Variants in ARX observed in about 807,000 individuals in gnomAD.
ARX encodes homeobox protein ARX.
ARX carries 1 observed loss-of-function variant against 23.1 expected under a neutral mutation model. The observed-to-expected ratio is 0.04, with a 90% confidence interval of 0.02 to 0.21. The LOEUF is 0.21. ARX is among the 10% of genes least tolerant of loss of function. ARX has a pLI of 1.00. For missense variants in ARX, 380 were observed against 527.5 expected (o/e 0.72, Z 2.74); for synonymous variants, 301 against 270.1 (o/e 1.11, Z -1.12).
chrX:25,007,564 T>C (rs1469326234), intron 3 of ARX, 125 bp from the exon 4 acceptor site: 5 of 875,913 alleles, frequency 5.7e-6, no homozygotes, highest in Non-Finnish European at 7.6e-6. Context: ...CGCGCCCACC[T>C]GCCCCTCTTT....
chrX:25,014,401 T>G (rs2048717193), intron 1 of ARX, among the ~76,000 whole-genome samples: 1 of 112,873 alleles, frequency 8.9e-6, no homozygotes, highest in Admixed American at 9.3e-5. Flanking sequence ...TGCTCCACCA[T>G]GAGGGCAAGG....
Position 25,012,833 on chromosome X carries a change from G to GAGGCC in ARX, c.1073+84_1073+88dup, listed in dbSNP as rs1017548359. 9.2e-5 allele frequency: 107 copies of GAGGCC among 1,160,832 alleles called. No homozygotes were observed. In the African/African-American group the frequency reaches 1.5e-3, roughly 16 times the overall value. On this transcript the variant is annotated intron_variant, in intron 2 of 4. Coordinates refer to ENST00000379044, the MANE Select transcript of ARX (RefSeq NM_139058.3). ...AGTCCAGGAGCCAAGCGTCCGCCCC[G>GAGGCC]AGGCCGGGGCCCCTGCCAGCCCGCT...
rs1251105155 is a variant in ARX, at chrX:25,006,320, A to G, written c.1448+791T>C. Among the ~76,000 whole-genome samples, 10 of 112,430 alleles carry G rather than the reference A, an allele frequency of 8.9e-5. No individual in the cohort carries two copies. The East Asian group carries it at 2.8e-3, about 31-fold the overall frequency. ...ACTCCGAGTCTTAATTTTCTGTAAG[A>G]TGATTTTTTGTTAAGCAGCTGCGCA... is the stretch of plus-strand genomic sequence containing the variant. On this transcript the variant is annotated intron_variant, in intron 4 of 4. Coordinates refer to ENST00000379044, the MANE Select transcript of ARX (RefSeq NM_139058.3).
intron 1 of ARX, 34 bp from the exon 2 acceptor site, chrX:25,013,832 C>G: frequency 3.3e-6 from 3 of 908,374 alleles, no homozygotes; most frequent in Non-Finnish European, 4.1e-6. Context: ...GCCAGCCGGC[C>G]GGCCGGGGAG....
intron 3 of ARX, among the ~76,000 whole-genome samples, chrX:25,009,940 C>G (rs186435140): frequency 4.0e-4 from 44 of 110,640 alleles, no homozygotes; most frequent in South Asian, 1.2e-3. Flanking sequence ...AGAAGTAGAT[C>G]GGTGGATTGT....
chrX:25,007,083 CAG>C (rs2048681194), intron 4 of ARX, 26 bp downstream of exon 4: 4 of 1,174,550 alleles, frequency 3.4e-6, no homozygotes, highest in Non-Finnish European at 4.6e-6. Flanking sequence ...GACAGACAGA[CAG>C]ACAGACTTCC....
chrX:25,007,649 A>G (rs1448396887), intron 3 of ARX, among the ~76,000 whole-genome samples: 1 of 111,688 alleles, frequency 9.0e-6, no homozygotes, highest in East Asian at 2.8e-4. Flanking sequence ...AGTCAGCAGG[A>G]AACAGGACAA....
Position 25,013,399 on chromosome X carries a change from G to A in ARX, c.596C>T (p.Thr199Met). The A allele has an allele frequency of 2.8e-6, 3 of 1,081,266 alleles. No individual in the cohort carries two copies. The highest frequency in any genetic ancestry group is 3.5e-5 in the Admixed American group (1 of 28,620). The allele number at this position is 1,081,266 out of a possible 1,213,427, so 89.1% of individuals were successfully genotyped here. A position where few individuals can be genotyped will look rare whatever the true frequency, so the allele number is the denominator to read the frequency against. ...LDELGGPGGV[T>M]HPEERLGVAG... ...CACGCCGAGGCGCTCCTCCGGGTGC[G>A]TGACGCCCCCCGGGCCGCCCAGCTC... The change falls in exon 2 of 5, where the codon ACG becomes ATG. Residue 199 changes from threonine to methionine, a missense_variant. Transcript: ENST00000379044.
In ARX at chrX:25,007,167, A is replaced by T; in HGVS notation, c.1392T>A (p.Thr464=). ...PPSGAPLGLS[T]FLGAAVFRHP... is the part of the protein sequence containing the mutation. ...GTCGGAACACTGCCGCTCCGAGGAA[A>T]GTGCTCAGGCCCAGCGGCGCCCCGC... The change falls in exon 4 of 5, where the codon ACT becomes ACA. Residue 464 remains threonine (T), a synonymous_variant. Coordinates refer to ENST00000379044, the MANE Select transcript of ARX (RefSeq NM_139058.3). 1 of 1,199,943 alleles carries T rather than the reference A, an allele frequency of 8.3e-7. No homozygotes were observed. The highest frequency in any genetic ancestry group is 1.1e-6 in the Non-Finnish European group (1 of 890,418).
intron 2 of ARX, among the ~76,000 whole-genome samples, chrX:25,012,275 C>T (rs971584410): frequency 8.9e-6 from 1 of 112,638 alleles, no homozygotes; most frequent in South Asian, 3.7e-4. Flanking sequence ...CTGGCTGGGG[C>T]CCCTCAGGTG....
chrX:25,012,839 G>A, intron 2 of ARX, 83 bp downstream of exon 2: 1 of 1,164,039 alleles, frequency 8.6e-7, no homozygotes, highest in Non-Finnish European at 1.1e-6. Context: ...CCCCGAGGCC[G>A]GGGCCCCTGC....
At chrX:25,008,873 G>GTAA (rs1411524737) in intron 3 of ARX, among the ~76,000 whole-genome samples, 8 of 112,063 alleles carry the variant, frequency 7.1e-5, no homozygotes, top group African/African-American at 2.6e-4. Context: ...TTACTTCCAA[G>GTAA]TCGGCCAAAA....
chrX:25,006,116 A>G (rs1459207288), intron 4 of ARX: 1 of 112,132 alleles, frequency 8.9e-6, no homozygotes, highest in East Asian at 2.8e-4. Flanking sequence ...CACTTGTCAG[A>G]GGGAAAAAGT....
In ARX at chrX:25,013,311, C is replaced by T; in HGVS notation, c.684G>A (p.Glu228=). ...GGGTGTEDDE[E]ELLEDEEDED... Reference sequence around the variant, plus strand: ...CATCTTCTTCGTCCTCCAGCAGCTCCTCCTCGTCGTCCTCGGTGCCGGTGC... The same window carrying T: ...CATCTTCTTCGTCCTCCAGCAGCTCTTCCTCGTCGTCCTCGGTGCCGGTGC... Residue 228 remains glutamate, a synonymous_variant, in exon 2 of 5, where the codon GAG becomes GAA. Coordinates refer to ENST00000379044, the MANE Select transcript of ARX (RefSeq NM_139058.3). 1 of 1,155,256 alleles carries T rather than the reference C, an allele frequency of 8.7e-7. No individual in the cohort carries two copies. Among genetic ancestry groups the T allele is most frequent in the Non-Finnish European group, 1.1e-6 (1 of 872,125 alleles).
At chrX:25,010,454 A>G in intron 2 of ARX, 149 bp from the exon 3 acceptor site, 2 of 648,968 alleles carry the variant, frequency 3.1e-6, no homozygotes, top group Non-Finnish European at 2.4e-6. Flanking sequence ...TTACCATTCC[A>G]TCACCCCCTG....
In ARX at chrX:25,007,464, T is replaced by TCGGCG. The variant is rs764534835; in HGVS notation, c.1120-30_1120-26dup. ...CCTGCAAGGCAGAGAGAGCCCAGGG[T>TCGGCG]CGGCGCGGCTCGGCCCGGCGGGCGC... On this transcript the variant is annotated intron_variant, in intron 3 of 4. Transcript: ENST00000379044. The TCGGCG allele has an allele frequency of 6.4e-5, 73 of 1,140,727 alleles. No homozygotes were observed. In the African/African-American group the frequency reaches 1.3e-3, roughly 20 times the overall value. 94.0% of individuals were successfully genotyped at this position (1,140,727 alleles called of 1,213,427 possible).
At position 25,007,857 on chromosome X, in the gene ARX, A is replaced by G. The variant is rs775533843; in HGVS notation, c.1120-418T>C. Among the ~76,000 whole-genome samples, 4 of 111,234 alleles carry G rather than the reference A, an allele frequency of 3.6e-5. No individual in the cohort carries two copies. In the South Asian group the frequency reaches 1.6e-3, roughly 43 times the overall value. ...ATGGGGATAATAAAACTTCACTCAT[A>G]AGGCTGTTATGAGAACTGGGTAAAA... On this transcript the variant is annotated intron_variant, in intron 3 of 4. Coordinates refer to ENST00000379044, the MANE Select transcript of ARX (RefSeq NM_139058.3).
rs770318189 is a variant in ARX, at chrX:25,004,862, C to T, written c.1497G>A (p.Ala499=). The T allele has an allele frequency of 2.6e-6, 3 of 1,147,532 alleles. No homozygotes were observed. The highest frequency in any genetic ancestry group is 2.8e-5 in the Admixed American group (1 of 36,230). The allele number at this position is 1,147,532 out of a possible 1,213,427, so 94.6% of individuals were successfully genotyped here. A position where few individuals can be genotyped will look rare whatever the true frequency, so the allele number is the denominator to read the frequency against. The change falls in exon 5 of 5, where the codon GCG becomes GCA. Residue 499 remains alanine, a synonymous_variant. Transcript: ENST00000379044. ...APLTSASTAA[A]LLRQPTPAVE... is the part of the protein sequence containing the mutation. ...CGGCGGGTGTGGGCTGTCTCAGGAG[C>T]GCGGCCGCGGTCGACGCGCTGGTCA...
At position 25,013,109 on chromosome X, in the gene ARX, G is replaced by A; in HGVS notation, c.886C>T (p.Leu296=). 8.3e-7 allele frequency: 1 copy of A among 1,203,259 alleles called. No homozygotes were observed. The highest frequency in any genetic ancestry group is 1.1e-6 in the Non-Finnish European group (1 of 891,714). The change falls in exon 2 of 5, where the codon CTG becomes TTG. Residue 296 remains leucine, a synonymous_variant. Coordinates refer to ENST00000379044, the MANE Select transcript of ARX (RefSeq NM_139058.3). ...GGELSPKEEL[L]LHPEDAEGKD... is the part of the protein sequence containing the mutation. Reference sequence around the variant, plus strand: ...CCCTCAGCGTCTTCCGGGTGCAGCAGCAGCTCCTCCTTGGGTGACAGCTCC... The same window carrying A: ...CCCTCAGCGTCTTCCGGGTGCAGCAACAGCTCCTCCTTGGGTGACAGCTCC...
Sources: gnomAD v4.1 joint callset for allele counts (sites outside exome capture counted in the v4.1 genomes callset) on GRCh38, gnomAD v4.1.1 for gene constraint, MANE v1.5 for transcripts, NCBI Gene and HGNC (gene_info 2026-07-23, HGNC 2026-07-21) for gene names.